The following CLTC variants were observed in gnomAD, a reference collection of about 807,000 sequenced individuals.
CLTC encodes clathrin heavy chain.
A neutral mutation model predicts 195.8 loss-of-function variants in CLTC; 16 were observed. That is an observed-to-expected ratio of 0.08 (90% CI 0.06 to 0.12). CLTC has a LOEUF of 0.12. Among genes scored for constraint, CLTC ranks in the 10% least tolerant of loss-of-function variants. CLTC has a pLI of 1.00. For synonymous variants in CLTC, 667 were observed against 689.4 expected, an observed-to-expected ratio of 0.97 and a Z score of 0.51; for missense variants, 796 against 2,027.0, an observed-to-expected ratio of 0.39 and a Z score of 11.66.
intron 5 of CLTC, among the ~76,000 whole-genome samples, chr17:59,652,248 C>T (rs1030790866): frequency 1.1e-4 from 16 of 152,176 alleles, no homozygotes; most frequent in African/African-American, 3.9e-4. Context: ...TTCCAAACTC[C>T]TTTTAATGTT....
intron 8 of CLTC, among the ~76,000 whole-genome samples, chr17:59,662,323 A>G (rs2032629108): frequency 6.6e-6 from 1 of 152,086 alleles, no homozygotes; most frequent in Non-Finnish European, 1.5e-5. Context: ...CTCAGTACTT[A>G]TTTCTCTTTA....
chr17:59,638,735 A>G (rs972803953), intron 1 of CLTC, among the ~76,000 whole-genome samples: 1 of 152,204 alleles, frequency 6.6e-6, no homozygotes, highest in Non-Finnish European at 1.5e-5. Flanking sequence ...GGTAGAGCTC[A>G]GGCGGTGATG....
chr17:59,644,347 C>T lies in CLTC; in HGVS notation c.114C>T (p.Ile38=). Residue 38 remains isoleucine (I), a synonymous_variant, in exon 2 of 32, where the codon ATC becomes ATT. Transcript: ENST00000269122. ...TGACTATGGAGTCTGACAAATTCAT[C>T]TGCATTAGAGAAAAAGTAGGAGAGC... is the stretch of plus-strand genomic sequence containing the variant. The part of the protein sequence containing the change: ...STLTMESDKF[I]CIREKVGEQA... The T allele has an allele frequency of 2.5e-6, 4 of 1,614,048 alleles. No homozygotes were observed. In the Admixed American group the frequency reaches 5.0e-5, roughly 20 times the overall value.
At chr17:59,686,834 A>G (rs553702177) in intron 30 of CLTC, among the ~76,000 whole-genome samples, 1 of 152,330 alleles carries the variant, frequency 6.6e-6, no homozygotes, top group East Asian at 1.9e-4. Context: ...TTGAAGTTAC[A>G]CAAAATTCTA....
At chr17:59,655,637 C>G (rs1056340412) in intron 5 of CLTC, among the ~76,000 whole-genome samples, 1 of 152,178 alleles carries the variant, frequency 6.6e-6, no homozygotes, top group Admixed American at 6.5e-5. Context: ...TTTGAATTGT[C>G]TTTCCTCTTA....
rs549316833 is a variant in CLTC at position 59,658,212 on chromosome 17, AAGAG to A, written c.970-2172_970-2169del. On this transcript the variant is annotated intron_variant, in intron 6 of 31. Transcript: ENST00000269122. The stretch of plus-strand genomic sequence containing the variant: ...AGCGAGACTCCGTCTCAAAAAAAAA[AAGAG>A]AGAGAGCGCCAGGGTCTTGCTATGT... Among the ~76,000 whole-genome samples, 29 of 152,140 alleles carry A rather than the reference AAGAG, an allele frequency of 1.9e-4. No individual in the cohort carries two copies. The East Asian group carries it at 3.7e-3, about 19-fold the overall frequency.
chr17:59,679,796 C>T (rs536039953), intron 18 of CLTC, among the ~76,000 whole-genome samples: 15 of 151,820 alleles, frequency 9.9e-5, no homozygotes, highest in East Asian at 3.9e-4. Flanking sequence ...AAGCCATGTG[C>T]GGTGGCTCAC....
chr17:59,635,134 C>T (rs2031825998), intron 1 of CLTC, among the ~76,000 whole-genome samples: 2 of 151,596 alleles, frequency 1.3e-5, no homozygotes, highest in South Asian at 4.1e-4. Context: ...CTTCTAAAGT[C>T]CTTGGTAAGA....
intron 1 of CLTC, among the ~76,000 whole-genome samples, chr17:59,642,093 T>C (rs1250149762): frequency 6.6e-6 from 1 of 151,712 alleles, no homozygotes; most frequent in Admixed American, 6.6e-5. Context: ...CTGCTTTTTT[T>C]CTGGGGATCT....
chr17:59,636,452 A>G (rs796789279), intron 1 of CLTC, among the ~76,000 whole-genome samples: 9 of 152,172 alleles, frequency 5.9e-5, no homozygotes, highest in African/African-American at 2.2e-4. Context: ...TGTGTTTTTT[A>G]TTTTTATTTT....
At chr17:59,625,937 A>G (rs1442916989) in intron 1 of CLTC, among the ~76,000 whole-genome samples, 1 of 152,202 alleles carries the variant, frequency 6.6e-6, no homozygotes, top group Non-Finnish European at 1.5e-5. Context: ...GAGATCATGT[A>G]TGTGAAAGTA....
intron 1 of CLTC, among the ~76,000 whole-genome samples, chr17:59,622,570 G>GT (rs1402119551): frequency 6.6e-6 from 1 of 152,078 alleles, no homozygotes; most frequent in Non-Finnish European, 1.5e-5. Context: ...TAGAGATGGA[G>GT]TTTCATGTTG....
intron 28 of CLTC, among the ~76,000 whole-genome samples, chr17:59,684,721 G>A (rs532923976): frequency 6.7e-6 from 1 of 148,824 alleles, no homozygotes; most frequent in South Asian, 2.1e-4. Context: ...CCGGAGAATC[G>A]CTTGAACCCT....
intron 1 of CLTC, among the ~76,000 whole-genome samples, chr17:59,633,296 G>A (rs2031773701): frequency 6.6e-6 from 1 of 152,124 alleles, no homozygotes; most frequent in Non-Finnish European, 1.5e-5. Flanking sequence ...TTTGAGACCA[G>A]CCTGGCCAAC....
In CLTC at chr17:59,695,838, AAAAAAAT is replaced by A. The variant is rs1469506036; in HGVS notation, c.*1989_*1995del. ...CAGTGCAAATATCAACACAGAGAAA[AAAAAAAT>A]AATAATAGTATTATGAAAACATTGA... On this transcript the variant is annotated 3_prime_UTR_variant, in exon 32 of 32. Coordinates refer to ENST00000269122, the MANE Select transcript of CLTC (RefSeq NM_004859.4). 1.1e-5 allele frequency: 1 copy of A among 88,694 alleles called. No individual in the cohort carries two copies. Among genetic ancestry groups the A allele is most frequent in the African/African-American group, 5.2e-5 (1 of 19,352 alleles). 5.5% of individuals were successfully genotyped at this position (88,694 alleles called of 1,614,324 possible).
intron 5 of CLTC, among the ~76,000 whole-genome samples, chr17:59,655,568 C>T (rs2032446117): frequency 6.6e-6 from 1 of 151,584 alleles, no homozygotes; most frequent in African/African-American, 2.4e-5. Context: ...GATTCATCTG[C>T]ACTGCAAAGT....
At chr17:59,676,169 A>G (rs2143578769) in intron 16 of CLTC, among the ~76,000 whole-genome samples, 1 of 152,270 alleles carries the variant, frequency 6.6e-6, no homozygotes, top group East Asian at 1.9e-4. Flanking sequence ...ACTGCACTCC[A>G]GCTTGGGCAA....
intron 1 of CLTC, among the ~76,000 whole-genome samples, chr17:59,637,614 G>C (rs1233524775): frequency 2.1e-5 from 3 of 143,012 alleles, no homozygotes; most frequent in African/African-American, 7.8e-5. Flanking sequence ...TGTAATCCCA[G>C]CACTTTGGGA....
intron 9 of CLTC, chr17:59,664,550 CAAAAAA>C (rs57413220): frequency 2.2e-4 from 49 of 224,490 alleles, no homozygotes; most frequent in East Asian, 3.3e-4. Flanking sequence ...GACCCTGTCT[CAAAAAA>C]AAAAAAAAAA....
Sources: gnomAD v4.1 joint callset for allele counts (sites outside exome capture counted in the v4.1 genomes callset) on GRCh38, gnomAD v4.1.1 for gene constraint, MANE v1.5 for transcripts, NCBI Gene and HGNC (gene_info 2026-07-23, HGNC 2026-07-21) for gene names.